The following DPF3 variants were observed in gnomAD, a reference collection of about 807,000 sequenced individuals.
The protein encoded by DPF3 is zinc finger protein DPF3.
DPF3 carries 18 observed loss-of-function variants against 56.8 expected under a neutral mutation model. The ratio of observed to expected loss-of-function variants is 0.32; its 90% CI spans 0.22 to 0.47. The LOEUF is 0.47. DPF3 is among the 20% of genes least tolerant of loss of function. The pLI is 1.00. For synonymous variants in DPF3, 188 were observed against 180.2 expected, an observed-to-expected ratio of 1.04 and a Z score of -0.35; for missense variants, 403 against 488.8, an observed-to-expected ratio of 0.82 and a Z score of 1.65.
intron 1 of DPF3, among the ~76,000 whole-genome samples, chr14:72,795,277 CAAAAAAAA>C (rs578053636): frequency 1.0e-4 from 11 of 109,534 alleles, no homozygotes; most frequent in East Asian, 2.8e-4. Flanking sequence ...CTCTTTTTGA[CAAAAAAAA>C]AAAAAAAAAA....
At position 72,610,859 on chromosome 14, in the gene DPF3, A is replaced by G. The variant is rs1883682129; in HGVS notation, c.*8438T>C. ...TGCCAGTCTGGTGTGGAAAGGGTCCAAGTCAGAGGCCTTTGCCTCACCCCT... is the reference window on the plus strand; with the variant it reads ...TGCCAGTCTGGTGTGGAAAGGGTCCGAGTCAGAGGCCTTTGCCTCACCCCT... On this transcript the variant is annotated 3_prime_UTR_variant, in exon 11 of 11. Transcript: ENST00000556509. Among the ~76,000 whole-genome samples, 1 of 152,216 alleles carries G rather than the reference A, an allele frequency of 6.6e-6. No individual in the cohort carries two copies. Among genetic ancestry groups the G allele is most frequent in the Non-Finnish European group, 1.5e-5 (1 of 68,036 alleles).
chr14:72,706,396 A>G (rs571445080), intron 6 of DPF3, among the ~76,000 whole-genome samples: 1 of 152,324 alleles, frequency 6.6e-6, no homozygotes, highest in African/African-American at 2.4e-5. Context: ...TCTCCTGCAC[A>G]ATATCAGCCT....
intron 1 of DPF3, among the ~76,000 whole-genome samples, chr14:72,893,287 G>A (rs1296299342): frequency 1.3e-5 from 2 of 152,130 alleles, no homozygotes; most frequent in Non-Finnish European, 2.9e-5. Context: ...AAGACCTGCG[G>A]CTTCCCTGCC....
At chr14:72,630,375 G>A (rs1320315050) in intron 8 of DPF3, among the ~76,000 whole-genome samples, 1 of 152,202 alleles carries the variant, frequency 6.6e-6, no homozygotes, top group Non-Finnish European at 1.5e-5. Context: ...TGGAGCATCA[G>A]AGCAAATGGC....
Position 72,617,627 on chromosome 14 carries a change from G to A in DPF3, c.*1670C>T, listed in dbSNP as rs1375861565. On this transcript the variant is annotated 3_prime_UTR_variant, in exon 11 of 11. Coordinates refer to ENST00000556509, the MANE Select transcript of DPF3 (RefSeq NM_001280542.3). ...ATCGCTTGCCACAGGTCACTCTGCT[G>A]AAGCGTGGGGGAGACCCACACTGCT... is the stretch of plus-strand genomic sequence containing the variant. Among the ~76,000 whole-genome samples, 2 of 152,206 alleles carry A rather than the reference G, an allele frequency of 1.3e-5. No homozygotes were observed. The highest frequency in any genetic ancestry group is 2.9e-5 in the Non-Finnish European group (2 of 68,040).
chr14:72,861,757 A>AAGAG (rs1476560392), intron 1 of DPF3, among the ~76,000 whole-genome samples: 7 of 146,644 alleles, frequency 4.8e-5, no homozygotes, highest in African/African-American at 1.9e-4. Context: ...GAAAGAAAGA[A>AAGAG]AGAAAGAAAG....
intron 7 of DPF3, among the ~76,000 whole-genome samples, chr14:72,681,896 G>C (rs753500116): frequency 1.3e-5 from 2 of 152,194 alleles, no homozygotes; most frequent in Non-Finnish European, 2.9e-5. Flanking sequence ...TAATGCTTCG[G>C]AATAGTAAGA....
intron 1 of DPF3, among the ~76,000 whole-genome samples, chr14:72,893,623 G>A (rs113025295): frequency 0.13 from 19,515 of 151,644 alleles, 1,599 homozygotes; most frequent in South Asian, 0.26. Context: ...CGGGGGCGCG[G>A]GGCTCGGCCA....
chr14:72,760,981 T>C (rs552666603), intron 2 of DPF3, among the ~76,000 whole-genome samples: 3 of 151,926 alleles, frequency 2.0e-5, no homozygotes, highest in Non-Finnish European at 4.4e-5. Flanking sequence ...TTAATAGAGA[T>C]TAAGAGGATT....
intron 1 of DPF3, among the ~76,000 whole-genome samples, chr14:72,865,457 A>C (rs886816897): frequency 2.0e-5 from 3 of 152,216 alleles, no homozygotes; most frequent in Non-Finnish European, 2.9e-5. Context: ...GAGGTAGAGA[A>C]TGGGGATGAC....
At chr14:72,719,902 G>A (rs1889096343) in intron 5 of DPF3, among the ~76,000 whole-genome samples, 1 of 152,080 alleles carries the variant, frequency 6.6e-6, no homozygotes, top group South Asian at 2.1e-4. Context: ...ATTTGAACTT[G>A]CAAGGTCTAA....
Position 72,609,755 on chromosome 14 carries a change from C to G in DPF3, c.*9542G>C, listed in dbSNP as rs1251035328. Reference sequence around the variant, plus strand: ...TTTTGTTTGTCTGTTGCTGTCGTTGCTTTTTAGAGAAGCCAGGGTGGGCCA... The same window carrying G: ...TTTTGTTTGTCTGTTGCTGTCGTTGGTTTTTAGAGAAGCCAGGGTGGGCCA... On this transcript the variant is annotated 3_prime_UTR_variant, in exon 11 of 11. Coordinates refer to ENST00000556509, the MANE Select transcript of DPF3 (RefSeq NM_001280542.3). 6.6e-6 allele frequency among the ~76,000 whole-genome samples: 1 copy of G among 152,246 alleles called. No homozygotes were observed. Among genetic ancestry groups the G allele is most frequent in the South Asian group, 2.1e-4 (1 of 4,824 alleles).
At chr14:72,628,184 G>T (rs1295544871) in intron 9 of DPF3, among the ~76,000 whole-genome samples, 6 of 152,000 alleles carry the variant, frequency 3.9e-5, no homozygotes, top group Non-Finnish European at 8.8e-5. Context: ...ATCCTCCCCT[G>T]GTTCCTAATC....
At chr14:72,880,968 G>A (rs1445828947) in intron 1 of DPF3, among the ~76,000 whole-genome samples, 2 of 152,190 alleles carry the variant, frequency 1.3e-5, no homozygotes, top group Non-Finnish European at 2.9e-5. Flanking sequence ...AAGGCAATTG[G>A]TGCCTCTTCA....
At chr14:72,631,923 GA>G (rs1885193233) in intron 8 of DPF3, among the ~76,000 whole-genome samples, 1 of 152,204 alleles carries the variant, frequency 6.6e-6, no homozygotes, top group African/African-American at 2.4e-5. Context: ...TGTGTCAGAT[GA>G]GACGTTAGCT....
intron 1 of DPF3, among the ~76,000 whole-genome samples, chr14:72,860,708 G>A (rs1885362111): frequency 6.6e-6 from 1 of 152,052 alleles, no homozygotes; most frequent in Non-Finnish European, 1.5e-5. Flanking sequence ...TGAGATTACA[G>A]GCGTGCACCA....
Position 72,650,161 on chromosome 14 carries a change from GA to G in DPF3, c.872-20426del, listed in dbSNP as rs1405358764. ...TTGAGGGAAAAATGAGGACCCAGAGGATGGCCTGGGGATGAGGGGGGACTGC... is the reference window on the plus strand; with the variant it reads ...TTGAGGGAAAAATGAGGACCCAGAGGTGGCCTGGGGATGAGGGGGGACTGC... On this transcript the variant is annotated intron_variant, in intron 8 of 10. Coordinates refer to ENST00000556509, the MANE Select transcript of DPF3 (RefSeq NM_001280542.3). Among the ~76,000 whole-genome samples the G allele has an allele frequency of 3.4e-4, 52 of 152,302 alleles. 1 individual carries two copies. The East Asian group carries it at 9.9e-3, about 29-fold the overall frequency.
chr14:72,784,954 C>T (rs918704682), intron 1 of DPF3, among the ~76,000 whole-genome samples: 23 of 149,534 alleles, frequency 1.5e-4, no homozygotes, highest in Admixed American at 6.7e-4. Flanking sequence ...CAAAACACCG[C>T]CTCAAAAAAA....
chr14:72,670,511 C>T, intron 8 of DPF3: 1 of 982,314 alleles, frequency 1.0e-6, no homozygotes, highest in Non-Finnish European at 1.2e-6. Context: ...AGGGAGGGGT[C>T]TGCCGCGGGG....
Sources: allele counts gnomAD v4.1 joint callset (sites outside exome capture counted in the v4.1 genomes callset), GRCh38; gene constraint gnomAD v4.1.1; transcripts MANE v1.5; gene names NCBI Gene and HGNC (gene_info 2026-07-23, HGNC 2026-07-21).